The following UBA6 variants were observed in gnomAD, a reference collection of about 807,000 sequenced individuals.
UBA6 encodes the protein ubiquitin-like modifier-activating enzyme 6.
UBA6 carries 87 observed loss-of-function variants against 148.3 expected under a neutral mutation model. That is an observed-to-expected ratio of 0.59 (90% CI 0.49 to 0.70). UBA6 has a LOEUF of 0.70. UBA6 is among the 30% of genes least tolerant of loss of function. UBA6 has a pLI of 0.00. For synonymous variants in UBA6, 376 were observed against 401.0 expected (o/e 0.94, Z 0.75); for missense variants, 1,186 against 1,241.2 (o/e 0.96, Z 0.67).
chr4:67,693,772 C>T (rs1287762295), intron 2 of UBA6, among the ~76,000 whole-genome samples: 2 of 152,098 alleles, frequency 1.3e-5, no homozygotes, highest in African/African-American at 4.8e-5. Context: ...TCTTACCCTA[C>T]CTTCATCAAG....
rs753320416 is a variant in UBA6, at chr4:67,629,021, A to G, written c.2400+50T>C. The stretch of plus-strand genomic sequence containing the variant: ...CCAGGTTTAGAATGGGACTTGGTAC[A>G]AGTCCAAATTCCCAAACTATTTGCT... On this transcript the variant is annotated intron_variant, in intron 27 of 32. Transcript: ENST00000322244. 6 of 1,294,958 alleles carry G rather than the reference A, an allele frequency of 4.6e-6. No homozygotes were observed. In the Admixed American group the frequency reaches 1.0e-4, roughly 22 times the overall value. 80.2% of individuals were successfully genotyped at this position (1,294,958 alleles called of 1,614,324 possible). A position where few individuals can be genotyped will look rare whatever the true frequency, so the allele number is the denominator to read the frequency against.
chr4:67,624,394 C>A (rs1045148707), intron 29 of UBA6, 141 bp from the exon 30 acceptor site: 2 of 655,618 alleles, frequency 3.1e-6, no homozygotes, highest in Middle Eastern at 8.8e-4. Flanking sequence ...ATATAAATTT[C>A]TTATTACAGG....
chr4:67,670,478 T>A lies in UBA6; in HGVS notation c.661A>T (p.Ile221Leu), dbSNP rs1040616344. ...CATTAATATAATCATACTTGCGTTATGTTTGAAATGAAAATTTCTTTTGGT... is the reference window on the plus strand; with the variant it reads ...CATTAATATAATCATACTTGCGTTAAGTTTGAAATGAAAATTTCTTTTGGT... The part of the protein sequence containing the change: ...EEPKEIFISN[I>L]TQANPGIVTC... The change falls in exon 8 of 33, where the codon ATA becomes TTA. Residue 221 changes from isoleucine (I) to leucine (L), a missense_variant. Transcript: ENST00000322244. 6.4e-7 allele frequency: 1 copy of A among 1,570,842 alleles called. No homozygotes were observed. Among genetic ancestry groups the A allele is most frequent in the Non-Finnish European group, 8.7e-7 (1 of 1,143,408 alleles).
At chr4:67,670,216 T>C (rs960649091) in intron 8 of UBA6, among the ~76,000 whole-genome samples, 9 of 152,188 alleles carry the variant, frequency 5.9e-5, no homozygotes, top group African/African-American at 2.2e-4. Flanking sequence ...AGTGCTGGGA[T>C]TGTAGGCGTG....
chr4:67,654,340 T>C lies in UBA6; in HGVS notation c.1105-5129A>G, dbSNP rs192125253. On this transcript the variant is annotated intron_variant, in intron 13 of 32. Coordinates refer to ENST00000322244, the MANE Select transcript of UBA6 (RefSeq NM_018227.6). ...TCCATCAGACTAACAGCGGATCTCT[T>C]GGCAGAAACCCTCCATGCCAGAAGA... 1.5e-3 allele frequency among the ~76,000 whole-genome samples: 229 copies of C among 152,334 alleles called. 3 individuals are homozygous for C. Among genetic ancestry groups the C allele is most frequent in the African/African-American group, 3.1e-3 (127 of 41,578 alleles).
chr4:67,641,178 C>T lies in UBA6; in HGVS notation c.1527G>A (p.Gln509=), dbSNP rs990580957. The T allele has an allele frequency of 5.0e-6, 8 of 1,597,796 alleles. No homozygotes were observed. In the African/African-American group the frequency reaches 9.4e-5, roughly 19 times the overall value. Residue 509 remains glutamine (Q), a synonymous_variant, in exon 18 of 33, where the codon CAG becomes CAA. Transcript: ENST00000322244. ...DLIEKSNLNR[Q]FLFRPHHIQK... is the part of the protein sequence containing the mutation. ...GTATGTGATGAGGACGAAATAGGAA[C>T]TGTCTATTTAAGTTGGATTTCTCTA...
chr4:67,678,359 G>C (rs1730341441), intron 5 of UBA6, 80 bp downstream of exon 5: 1 of 788,854 alleles, frequency 1.3e-6, no homozygotes, highest in Admixed American at 3.1e-5. Flanking sequence ...AACTATGACT[G>C]ATTGGTGTTC....
intron 2 of UBA6, among the ~76,000 whole-genome samples, chr4:67,682,866 G>C (rs1730475485): frequency 6.6e-6 from 1 of 152,080 alleles, no homozygotes; most frequent in Non-Finnish European, 1.5e-5. Context: ...ACATTTTAAA[G>C]ATTAGTTCGA....
intron 2 of UBA6, among the ~76,000 whole-genome samples, chr4:67,694,973 C>T (rs1361433077): frequency 6.6e-6 from 1 of 152,156 alleles, no homozygotes; most frequent in East Asian, 1.9e-4. Context: ...AGCTAAACTG[C>T]TATATTCTAT....
At position 67,673,372 on chromosome 4, in the gene UBA6, T is replaced by C. The variant is rs369517122; in HGVS notation, c.546+325A>G. On this transcript the variant is annotated intron_variant, in intron 7 of 32. Coordinates refer to ENST00000322244, the MANE Select transcript of UBA6 (RefSeq NM_018227.6). ...CGGAGGTTGGGGTGAGCCAAGATTG[T>C]GTCACTGCACTCCAGCCTGGGCGAT... Among the ~76,000 whole-genome samples, 5 of 145,218 alleles carry C rather than the reference T, an allele frequency of 3.4e-5. No individual in the cohort carries two copies. The East Asian group carries it at 6.0e-4, about 17-fold the overall frequency.
chr4:67,660,211 A>C (rs761877362), intron 13 of UBA6, among the ~76,000 whole-genome samples: 33 of 152,256 alleles, frequency 2.2e-4, no homozygotes, highest in Non-Finnish European at 3.7e-4. Context: ...TTCTGAGGAG[A>C]AATTCAAGTC....
intron 23 of UBA6, among the ~76,000 whole-genome samples, chr4:67,632,456 C>G (rs987357313): frequency 6.6e-6 from 1 of 151,990 alleles, no homozygotes; most frequent in Non-Finnish European, 1.5e-5. Flanking sequence ...ACTATTTCCT[C>G]TACATTTCTA....
chr4:67,616,075 A>T lies in UBA6; in HGVS notation c.*2922T>A, dbSNP rs935532336. 4 of 394,248 alleles carry T rather than the reference A, an allele frequency of 1.0e-5. No individual in the cohort carries two copies. Among genetic ancestry groups the T allele is most frequent in the African/African-American group, 8.3e-5 (4 of 48,464 alleles). 24.4% of individuals were successfully genotyped at this position (394,248 alleles called of 1,614,324 possible). A position where few individuals can be genotyped will look rare whatever the true frequency, so the allele number is the denominator to read the frequency against. ...TTTTGAAAAATATATATTTCTCAAT[A>T]AAAAAACAAAGTTATGACATAGAGC... On this transcript the variant is annotated 3_prime_UTR_variant, in exon 33 of 33. Coordinates refer to ENST00000322244, the MANE Select transcript of UBA6 (RefSeq NM_018227.6).
At chr4:67,682,759 G>A (rs1213446402) in intron 2 of UBA6, among the ~76,000 whole-genome samples, 1 of 152,166 alleles carries the variant, frequency 6.6e-6, no homozygotes, top group Non-Finnish European at 1.5e-5. Flanking sequence ...GTCTGATATA[G>A]TAATAAAGTC....
intron 29 of UBA6, among the ~76,000 whole-genome samples, 170 bp downstream of exon 29, chr4:67,624,824 A>C (rs1367710108): frequency 6.6e-6 from 1 of 152,094 alleles, no homozygotes; most frequent in African/African-American, 2.4e-5. Flanking sequence ...GTAATACTTC[A>C]CAATACAGAT....
At position 67,617,049 on chromosome 4, in the gene UBA6, T is replaced by C. The variant is rs1673809673; in HGVS notation, c.*1948A>G. The stretch of plus-strand genomic sequence containing the variant: ...AAGTAATGGAAAAATGGTTGCAGGT[T>C]TAATCACAAAATGAACTTAATTTTT... On this transcript the variant is annotated 3_prime_UTR_variant, in exon 33 of 33. Transcript: ENST00000322244. 6.6e-6 allele frequency: 1 copy of C among 152,128 alleles called. No homozygotes were observed. The highest frequency in any genetic ancestry group is 2.4e-5 in the African/African-American group (1 of 41,454). The allele number at this position is 152,128 out of a possible 1,614,324, so 9.4% of individuals were successfully genotyped here.
rs751895120 is a variant in UBA6, at chr4:67,634,249, A to G, written c.2006T>C (p.Val669Ala). ...FWQTYSSAEEVLQKIQSGHSL... is the reference protein window; with the variant it reads ...FWQTYSSAEEALQKIQSGHSL... ...AAATTTACTGATTTTTACCTGTAAG[A>G]CTTCTTCTGCAGATGAATAGGTTTG... Residue 669 changes from valine to alanine, a missense_variant, in exon 22 of 33, where the codon GTC becomes GCC. Coordinates refer to ENST00000322244, the MANE Select transcript of UBA6 (RefSeq NM_018227.6). 1.3e-6 allele frequency: 2 copies of G among 1,585,854 alleles called. No individual in the cohort carries two copies. The highest frequency in any genetic ancestry group is 2.4e-5 in the South Asian group (2 of 84,808).
intron 17 of UBA6, among the ~76,000 whole-genome samples, chr4:67,643,708 T>C (rs1729358792): frequency 6.6e-6 from 1 of 152,092 alleles, no homozygotes; most frequent in East Asian, 1.9e-4. Context: ...TAAAAAAATG[T>C]ATACAGTAAG....
At chr4:67,624,929 G>A in intron 29 of UBA6, 65 bp downstream of exon 29, 1 of 1,357,140 alleles carries the variant, frequency 7.4e-7, no homozygotes, top group Admixed American at 1.8e-5. Flanking sequence ...GGGTTGGTAT[G>A]ACGGGGAAGT....
Sources: gnomAD v4.1 joint callset for allele counts (sites outside exome capture counted in the v4.1 genomes callset) on GRCh38, gnomAD v4.1.1 for gene constraint, MANE v1.5 for transcripts, NCBI Gene and HGNC (gene_info 2026-07-23, HGNC 2026-07-21) for gene names.